ABCA12: variants seen among roughly 807,000 people sequenced by gnomAD.
ABCA12 encodes glucosylceramide transporter ABCA12.
Under a neutral mutation model 293.5 loss-of-function variants are expected in ABCA12, and 156 were observed. The observed-to-expected ratio is 0.53, with a 90% confidence interval of 0.47 to 0.61. The LOEUF (loss-of-function observed/expected upper bound fraction) is 0.61. Among genes scored for constraint, ABCA12 ranks in the 20% least tolerant of loss-of-function variants. The pLI, the probability that ABCA12 is intolerant of heterozygous loss-of-function variation, is 0.00. For synonymous variants in ABCA12, 1,063 were observed against 1,108.0 expected (o/e 0.96, Z 0.81); for missense variants, 2,797 against 3,090.2 (o/e 0.91, Z 2.25).
rs577007092 is a variant in ABCA12, at chr2:215,017,745, T to C, written c.1782+263A>G. 2.2e-5 allele frequency: 9 copies of C among 412,156 alleles called. No homozygotes were observed. In the Admixed American group the frequency reaches 3.0e-4, roughly 14 times the overall value. The allele number at this position is 412,156 out of a possible 1,614,324, so 25.5% of individuals were successfully genotyped here. On this transcript the variant is annotated intron_variant, in intron 14 of 52. Transcript: ENST00000272895. ...AAGCTCATTGATTGAGGAAGCCATC[T>C]GGGGGTAAGGAAAAGGAAAGAACAA...
chr2:214,998,853 T>C (rs1042808809), intron 22 of ABCA12, among the ~76,000 whole-genome samples: 1 of 152,188 alleles, frequency 6.6e-6, no homozygotes, highest in Non-Finnish European at 1.5e-5. Context: ...AAGCAGTAGA[T>C]GTCGATGAGA....
intron 2 of ABCA12, among the ~76,000 whole-genome samples, chr2:215,105,076 C>T (rs977751839): frequency 6.6e-6 from 1 of 152,124 alleles, no homozygotes; most frequent in Admixed American, 6.5e-5. Flanking sequence ...CAGATTTTTA[C>T]CTGTTGCATT....
rs554186976 is a variant in ABCA12, at chr2:214,955,485, C to G, written c.6234-124G>C. 247 of 918,586 alleles carry G rather than the reference C, an allele frequency of 2.7e-4. 1 individual carries two copies. The highest frequency in any genetic ancestry group is 3.7e-4 in the Non-Finnish European group (219 of 591,694). The allele number at this position is 918,586 out of a possible 1,614,324, so 56.9% of individuals were successfully genotyped here. ...TCACTTGAGCCCAGGAGTTTGAGAC[C>G]AGCCTGAGCAACTTGGCAAAACCCT... On this transcript the variant is annotated intron_variant, in intron 42 of 52. Coordinates refer to ENST00000272895, the MANE Select transcript of ABCA12 (RefSeq NM_173076.3).
chr2:215,001,134 C>G, intron 21 of ABCA12, 114 bp from the exon 22 acceptor site: 1 of 992,352 alleles, frequency 1.0e-6, no homozygotes, highest in South Asian at 1.5e-5. Context: ...AGTAATGTGA[C>G]AGTAGGTTCA....
intron 7 of ABCA12, among the ~76,000 whole-genome samples, chr2:215,041,692 A>C (rs10192556): frequency 0.085 from 12,886 of 152,200 alleles, 1,528 homozygotes; most frequent in African/African-American, 0.27. Context: ...AAATTAGAAT[A>C]ATGAAGAGAT....
chr2:214,989,303 T>A, intron 26 of ABCA12, 26 bp downstream of exon 26: 1 of 1,610,824 alleles, frequency 6.2e-7, no homozygotes. Context: ...ATAAAAAGCA[T>A]GTATCTGTAG....
intron 50 of ABCA12, among the ~76,000 whole-genome samples, chr2:214,939,897 G>A (rs765014401): frequency 6.6e-6 from 1 of 152,142 alleles, no homozygotes; most frequent in Non-Finnish European, 1.5e-5. Flanking sequence ...ATACAGTCAC[G>A]TCACCTACAA....
At chr2:214,986,777 C>T (rs1364305185) in intron 27 of ABCA12, 49 bp from the exon 28 acceptor site, 1 of 1,513,482 alleles carries the variant, frequency 6.6e-7, no homozygotes, top group South Asian at 1.1e-5. Flanking sequence ...TAAGGTAATG[C>T]AGCTAGAGTT....
In ABCA12 at chr2:214,947,527, G is replaced by A; in HGVS notation, c.7134C>T (p.His2378=). Reference sequence around the variant, plus strand: ...TAGCTCTGTCCTTGAAGGGCATCAGGTGAAGTCTCCTAAGGAGTTTATGAA... The same window carrying A: ...TAGCTCTGTCCTTGAAGGGCATCAGATGAAGTCTCCTAAGGAGTTTATGAA... ...ETVHKLLRRL[H]LMPFKDRATS... is the part of the protein sequence containing the mutation. The change falls in exon 48 of 53, where the codon CAC becomes CAT. Residue 2378 remains histidine (H), a synonymous_variant. Coordinates refer to ENST00000272895, the MANE Select transcript of ABCA12 (RefSeq NM_173076.3). 2 of 1,613,888 alleles carry A rather than the reference G, an allele frequency of 1.2e-6. No individual in the cohort carries two copies. The highest frequency in any genetic ancestry group is 8.5e-7 in the Non-Finnish European group (1 of 1,179,898).
chr2:215,123,835 T>C (rs1456308082), intron 1 of ABCA12, among the ~76,000 whole-genome samples: 1 of 152,190 alleles, frequency 6.6e-6, no homozygotes, highest in Non-Finnish European at 1.5e-5. Flanking sequence ...GTAAGTTCTT[T>C]AGTGGTGATT....
chr2:215,047,974 GAA>G (rs755752019), intron 6 of ABCA12, among the ~76,000 whole-genome samples: 21,507 of 136,280 alleles, frequency 0.16, 4,621 homozygotes, highest in African/African-American at 0.49. Flanking sequence ...AAATTTACAA[GAA>G]AAAAAAAAAA....
intron 1 of ABCA12, among the ~76,000 whole-genome samples, chr2:215,118,419 TA>T (rs1219069611): frequency 6.6e-6 from 1 of 151,840 alleles, no homozygotes; most frequent in African/African-American, 2.4e-5. Flanking sequence ...AATTAATTAA[TA>T]AAAAAAGAAT....
At chr2:215,113,537 T>G (rs963748281) in intron 1 of ABCA12, among the ~76,000 whole-genome samples, 1 of 152,192 alleles carries the variant, frequency 6.6e-6, no homozygotes, top group Non-Finnish European at 1.5e-5. Context: ...GTGATGCTGA[T>G]GCAGCTGGTC....
In ABCA12 at chr2:214,932,149, A is replaced by G. The variant is rs77729645; in HGVS notation, c.*485T>C. ...CTCTGCAAACGTTCATTTGGCCCTT[A>G]GCAGTTCACACATCACAGCCGATTC... On this transcript the variant is annotated 3_prime_UTR_variant, in exon 53 of 53. Transcript: ENST00000272895. 0.011 allele frequency: 2,299 copies of G among 201,578 alleles called. 50 individuals carry two copies. The highest frequency in any genetic ancestry group is 0.05 in the African/African-American group (2,114 of 42,096). The allele number at this position is 201,578 out of a possible 1,614,324, so 12.5% of individuals were successfully genotyped here.
intron 45 of ABCA12, among the ~76,000 whole-genome samples, chr2:214,949,702 A>T (rs960035316): frequency 3.9e-5 from 6 of 152,182 alleles, no homozygotes; most frequent in Non-Finnish European, 1.5e-5. Context: ...AAATAAATAG[A>T]TGCAGTCCTA....
At chr2:215,072,695 G>A (rs952258036) in intron 2 of ABCA12, among the ~76,000 whole-genome samples, 2 of 152,210 alleles carry the variant, frequency 1.3e-5, no homozygotes, top group African/African-American at 4.8e-5. Flanking sequence ...AGATATAACA[G>A]TAACAAATAC....
At chr2:214,943,668 A>G (rs1004766026) in intron 49 of ABCA12, among the ~76,000 whole-genome samples, 14 of 152,080 alleles carry the variant, frequency 9.2e-5, no homozygotes, top group Non-Finnish European at 1.6e-4. Flanking sequence ...CCAAAATAAC[A>G]CTAAGCTTTT....
chr2:214,972,199 C>G (rs1355459426), intron 36 of ABCA12, among the ~76,000 whole-genome samples: 4 of 151,994 alleles, frequency 2.6e-5, no homozygotes, highest in African/African-American at 7.2e-5. Flanking sequence ...TTCCTTTTTA[C>G]TCTCTTCATC....
rs1559141294 is a variant in ABCA12, at chr2:215,004,209, C to T, written c.2683G>A (p.Asp895Asn). The change falls in exon 20 of 53, where the codon GAT becomes AAT. Residue 895 changes from aspartate (D) to asparagine (N), a missense_variant and splice_region_variant. Physicochemically the swap from Asp to Asn is conservative, Grantham distance 23. Around this residue, in one of 3 missense-constraint regions of ABCA12, gnomAD observed 2,130 missense variants for 2,427.0 expected, o/e 0.88. Coordinates refer to ENST00000272895, the MANE Select transcript of ABCA12 (RefSeq NM_173076.3). ...AAAAGCTTTGTGAATTTGGACTCAC[C>T]GAGTTCATCTATCTGTTTCAATAGT... ...VELLKQIDEL[D>N]ILRLKLENNI... 6.2e-7 allele frequency: 1 copy of T among 1,612,998 alleles called. No individual in the cohort carries two copies. Among genetic ancestry groups the T allele is most frequent in the Non-Finnish European group, 8.5e-7 (1 of 1,179,268 alleles).
Sources: allele counts gnomAD v4.1 joint callset (sites outside exome capture counted in the v4.1 genomes callset), GRCh38; gene constraint gnomAD v4.1.1; regional missense constraint gnomAD v4.1.1; transcripts MANE v1.5; gene names NCBI Gene and HGNC (gene_info 2026-07-23, HGNC 2026-07-21).